The following CLPB variants were observed in gnomAD, a reference collection of about 807,000 sequenced individuals.
CLPB encodes ClpB family mitochondrial disaggregase.
A neutral mutation model predicts 78.4 loss-of-function variants in CLPB; 40 were observed. The ratio of observed to expected loss-of-function variants is 0.51; its 90% confidence interval spans 0.40 to 0.66. The LOEUF is 0.66. Ranked by LOEUF, CLPB falls within the 30% of genes least tolerant of loss-of-function variation. CLPB has a pLI of 0.00. For missense variants in CLPB, 780 were observed against 886.9 expected (o/e 0.88, Z 1.53); for synonymous variants, 333 against 348.0 (o/e 0.96, Z 0.48).
intron 3 of CLPB, among the ~76,000 whole-genome samples, chr11:72,385,800 C>T (rs992312352): frequency 6.6e-5 from 10 of 152,076 alleles, no homozygotes; most frequent in Non-Finnish European, 1.3e-4. Context: ...CAAGCCTGGG[C>T]GACACAGCAA....
At chr11:72,407,075 C>T (rs181141127) in intron 2 of CLPB, among the ~76,000 whole-genome samples, 3 of 152,336 alleles carry the variant, frequency 2.0e-5, no homozygotes, top group African/African-American at 7.2e-5. Context: ...CAGGCATACC[C>T]GCCCAGGGAG....
chr11:72,305,701 C>G (rs779053934), intron 9 of CLPB, among the ~76,000 whole-genome samples: 1 of 152,212 alleles, frequency 6.6e-6, no homozygotes, highest in Non-Finnish European at 1.5e-5. Context: ...AGGATGCCAA[C>G]ATCATCCTGC....
At chr11:72,350,412 G>A (rs529521906) in intron 5 of CLPB, among the ~76,000 whole-genome samples, 6 of 152,044 alleles carry the variant, frequency 3.9e-5, no homozygotes, top group East Asian at 3.9e-4. Flanking sequence ...ATTCCCCTTC[G>A]GACTAGATTA....
intron 3 of CLPB, among the ~76,000 whole-genome samples, chr11:72,383,338 C>A (rs549464699): frequency 1.3e-5 from 2 of 151,920 alleles, no homozygotes; most frequent in African/African-American, 4.8e-5. Flanking sequence ...TCCTGGCTAA[C>A]ACGGTGAAAC....
intron 2 of CLPB, among the ~76,000 whole-genome samples, chr11:72,415,942 G>C (rs919534406): frequency 2.0e-5 from 3 of 152,216 alleles, no homozygotes; most frequent in Non-Finnish European, 2.9e-5. Flanking sequence ...GAGGAGACTT[G>C]AAACCACAGT....
chr11:72,373,041 G>C (rs890775885), intron 4 of CLPB: 1 of 1,599,748 alleles, frequency 6.3e-7, no homozygotes, highest in African/African-American at 1.3e-5. Flanking sequence ...GGGGAGGTCA[G>C]CTGGAGCAGG....
At chr11:72,428,538 T>G (rs1856452977) in intron 2 of CLPB, among the ~76,000 whole-genome samples, 1 of 152,208 alleles carries the variant, frequency 6.6e-6, no homozygotes, top group Non-Finnish European at 1.5e-5. Context: ...AGCCAGCATC[T>G]GCTTCCCGCC....
At position 72,290,937 on chromosome 11, in the gene CLPB, T is replaced by TC. The variant is rs1314893008; in HGVS notation, c.*2429dup. The TC allele has an allele frequency of 1.5e-5, 2 of 132,834 alleles. No homozygotes were observed. Among genetic ancestry groups the TC allele is most frequent in the African/African-American group, 3.0e-5 (1 of 33,572 alleles). 8.2% of individuals were successfully genotyped at this position (132,834 alleles called of 1,614,324 possible). ...TCCATCCTGGGTGACAGAGCGGGAC[T>TC]CCGTCTCAAAAAAAAAAAAAAAACC... On this transcript the variant is annotated 3_prime_UTR_variant, in exon 16 of 16. Transcript: ENST00000538039.
At chr11:72,318,867 G>A (rs981537093) in intron 6 of CLPB, among the ~76,000 whole-genome samples, 19 of 152,102 alleles carry the variant, frequency 1.2e-4, no homozygotes, top group African/African-American at 4.3e-4. Flanking sequence ...TGGCTCTGCC[G>A]ACTTCAGCCA....
chr11:72,319,683 C>T (rs1233573151), intron 6 of CLPB, among the ~76,000 whole-genome samples: 3 of 152,142 alleles, frequency 2.0e-5, no homozygotes, highest in Non-Finnish European at 4.4e-5. Flanking sequence ...TTGTGGAATG[C>T]CACAAGGTGA....
chr11:72,318,184 T>C (rs1949983913), intron 6 of CLPB, among the ~76,000 whole-genome samples: 1 of 152,200 alleles, frequency 6.6e-6, no homozygotes, highest in South Asian at 2.1e-4. Context: ...CTAGCATGGG[T>C]CCTGGCATAG....
At chr11:72,357,700 G>GAAAAA (rs747456359) in intron 5 of CLPB, among the ~76,000 whole-genome samples, 1 of 43,878 alleles carries the variant, frequency 2.3e-5, no homozygotes, top group Non-Finnish European at 4.7e-5. Flanking sequence ...CCGTGTCCCA[G>GAAAAA]AAAAAAAAAA....
chr11:72,308,774 A>G (rs1648013764), intron 7 of CLPB, among the ~76,000 whole-genome samples, 170 bp from the exon 8 acceptor site: 2 of 152,220 alleles, frequency 1.3e-5, no homozygotes, highest in Admixed American at 1.3e-4. Context: ...CAAGGCCCCT[A>G]GAGACACGTA....
intron 4 of CLPB, among the ~76,000 whole-genome samples, chr11:72,377,726 A>T (rs1022641460): frequency 4.0e-5 from 6 of 150,362 alleles, no homozygotes; most frequent in African/African-American, 1.5e-4. Context: ...GGAAAAACTA[A>T]GAAAAAGAAA....
chr11:72,418,854 CAAAAA>C (rs913728201), intron 2 of CLPB, among the ~76,000 whole-genome samples: 3 of 75,254 alleles, frequency 4.0e-5, no homozygotes, highest in Non-Finnish European at 2.8e-5. Flanking sequence ...ACTCCATCTC[CAAAAA>C]AAAAAAAAAA....
At chr11:72,396,970 A>G (rs1478365208) in intron 3 of CLPB, among the ~76,000 whole-genome samples, 1 of 152,224 alleles carries the variant, frequency 6.6e-6, no homozygotes. Context: ...TAAGATATAT[A>G]ATTTAATGAA....
chr11:72,307,243 G>T lies in CLPB; in HGVS notation c.1078C>A (p.Leu360Met). The T allele has an allele frequency of 6.2e-7, 1 of 1,614,034 alleles. No individual in the cohort carries two copies. Among genetic ancestry groups the T allele is most frequent in the Non-Finnish European group, 8.5e-7 (1 of 1,179,978 alleles). Residue 360 changes from leucine (L) to methionine (M), a missense_variant, in exon 9 of 16, where the codon CTG becomes ATG. Physicochemically the swap from Leu to Met is conservative, Grantham distance 15 (BLOSUM62 2). This residue lies in a region of CLPB where 91 missense variants were observed against 168.2 expected (regional missense o/e 0.54). Transcript: ENST00000538039. ...ATATATTTGGCTGTCTGCTTGGCCA[G>T]CTCTGTTTTTCCTAGTAAGAAAGAA... Reference protein sequence around the residue: ...LGSSGIGKTELAKQTAKYMHK... With the variant: ...LGSSGIGKTEMAKQTAKYMHK...
At chr11:72,373,028 G>A (rs1353002277) in intron 4 of CLPB, 1 of 1,612,028 alleles carries the variant, frequency 6.2e-7, no homozygotes, top group Non-Finnish European at 8.5e-7. Flanking sequence ...AAGACACAGA[G>A]ATGGGGAGGT....
rs548991798 is a variant in CLPB, at chr11:72,325,704, A to C, written c.873+4003T>G. On this transcript the variant is annotated intron_variant, in intron 6 of 15. Transcript: ENST00000538039. ...ATTCCAAATATAGAATAGGATTGTA[A>C]CTCCTTCAGGGCCAAGTAGGAAACA... Among the ~76,000 whole-genome samples, 10 of 152,288 alleles carry C rather than the reference A, an allele frequency of 6.6e-5. No homozygotes were observed. The South Asian group carries it at 2.1e-3, about 32-fold the overall frequency.
Sources: allele counts gnomAD v4.1 joint callset (sites outside exome capture counted in the v4.1 genomes callset), GRCh38; gene constraint gnomAD v4.1.1; regional missense constraint gnomAD v4.1.1; transcripts MANE v1.5; gene names NCBI Gene and HGNC (gene_info 2026-07-23, HGNC 2026-07-21).